The following KDM5A variants were observed in gnomAD, a reference collection of about 807,000 sequenced individuals.
KDM5A encodes the protein lysine demethylase 5A.
A neutral mutation model predicts 193.5 loss-of-function variants in KDM5A; 42 were observed. That is an observed-to-expected ratio of 0.22 (90% CI 0.17 to 0.28). The LOEUF (loss-of-function observed/expected upper bound fraction) is 0.28. KDM5A is among the 10% of genes least tolerant of loss of function. The pLI is 1.00. For missense variants in KDM5A, 1,692 were observed against 2,055.1 expected (o/e 0.82, Z 3.42); for synonymous variants, 796 against 718.1 (o/e 1.11, Z -1.73).
intron 24 of KDM5A, among the ~76,000 whole-genome samples, chr12:297,953 C>T (rs1009890761): frequency 7.2e-5 from 11 of 152,130 alleles, no homozygotes; most frequent in South Asian, 2.1e-4. Context: ...AAACAATCCA[C>T]GGAGATAATA....
chr12:329,291 A>AT, intron 13 of KDM5A: 1 of 483,528 alleles, frequency 2.1e-6, no homozygotes, highest in South Asian at 2.2e-5. Flanking sequence ...TATTTATTGT[A>AT]TATCAAGAAG....
chr12:330,149 T>C (rs933161221), intron 13 of KDM5A, among the ~76,000 whole-genome samples: 1 of 151,266 alleles, frequency 6.6e-6, no homozygotes, highest in African/African-American at 2.4e-5. Flanking sequence ...CTCTTTCATA[T>C]CTTAAATACG....
intron 10 of KDM5A, among the ~76,000 whole-genome samples, chr12:349,330 CTTT>C (rs749540223): frequency 1.7e-5 from 2 of 117,690 alleles, no homozygotes; most frequent in Admixed American, 9.0e-5. Flanking sequence ...ATCTTCTAGA[CTTT>C]TTTTTTTTTT....
In KDM5A at chr12:285,506, A is replaced by T. The variant is rs1222136565; in HGVS notation, c.5023T>A (p.Phe1675Ile). 1 of 1,614,052 alleles carries T rather than the reference A, an allele frequency of 6.2e-7. No individual in the cohort carries two copies. The highest frequency in any genetic ancestry group is 8.5e-7 in the Non-Finnish European group (1 of 1,179,952). Residue 1675 changes from phenylalanine to isoleucine, a missense_variant, in exon 28 of 28, where the codon TTC (phenylalanine) becomes ATC (isoleucine). Physicochemically the swap from Phe to Ile is conservative, Grantham distance 21 (BLOSUM62 0). This residue lies in a region of KDM5A where 41 missense variants were observed against 36.3 expected (regional missense o/e 1.13). Transcript: ENST00000399788. ...ATTGGTAGTTTGTAGCTCATTATGA[A>T]GGAAGGAGGTGGTGCTGGACCTGGG... ...VSPGPAPPPS[F>I]IMSYKLPMED...
intron 10 of KDM5A, among the ~76,000 whole-genome samples, chr12:338,461 G>A (rs1222006183): frequency 6.6e-6 from 1 of 152,194 alleles, no homozygotes; most frequent in Non-Finnish European, 1.5e-5. Context: ...GTAACCCACT[G>A]AGAGAATACC....
chr12:375,707 G>T (rs1944494238), intron 3 of KDM5A, among the ~76,000 whole-genome samples: 2 of 152,208 alleles, frequency 1.3e-5, no homozygotes, highest in South Asian at 4.1e-4. Context: ...CCATCTTTGT[G>T]GTTTTATCTA....
intron 3 of KDM5A, among the ~76,000 whole-genome samples, chr12:381,168 A>AT (rs1357088877): frequency 5.3e-5 from 8 of 151,976 alleles, no homozygotes; most frequent in African/African-American, 1.9e-4. Flanking sequence ...CTAATTTTGT[A>AT]TTTTTAGTAG....
chr12:289,907 C>CTTTTTTTTTTTTTTTTTTT lies in KDM5A; in HGVS notation c.4866+2833_4866+2851dup, dbSNP rs750918968. ...AAAAAGCATGATTTTTTCTTTCTTT[C>CTTTTTTTTTTTTTTTTTTT]TTTTTTTTTTTTTTTTTTTTTTTAC... is the stretch of plus-strand genomic sequence containing the variant. On this transcript the variant is annotated intron_variant, in intron 27 of 27. Coordinates refer to ENST00000399788, the MANE Select transcript of KDM5A (RefSeq NM_001042603.3). Among the ~76,000 whole-genome samples the CTTTTTTTTTTTTTTTTTTT allele has an allele frequency of 7.9e-4, 79 of 99,620 alleles. 1 individual carries two copies. Among genetic ancestry groups the CTTTTTTTTTTTTTTTTTTT allele is most frequent in the East Asian group, 2.7e-3 (6 of 2,252 alleles). The allele number at this position is 99,620 out of a possible 152,430, so 65.4% of individuals were successfully genotyped here. A position where few individuals can be genotyped will look rare whatever the true frequency, so the allele number is the denominator to read the frequency against.
At chr12:348,089 A>G (rs565708097) in intron 10 of KDM5A, among the ~76,000 whole-genome samples, 339 of 152,064 alleles carry the variant, frequency 2.2e-3, no homozygotes, top group African/African-American at 7.7e-3. Context: ...CAACCCCATC[A>G]AAAAGTGGGC....
chr12:372,341 A>G (rs1260871700), intron 3 of KDM5A, among the ~76,000 whole-genome samples: 1 of 152,034 alleles, frequency 6.6e-6, no homozygotes, highest in Non-Finnish European at 1.5e-5. Flanking sequence ...ATTCCTAGGT[A>G]TTTTATTCTG....
rs1023481122 is a variant in KDM5A at position 356,465 on chromosome 12, C to T, written c.745G>A (p.Val249Met). 6.2e-7 allele frequency: 1 copy of T among 1,612,962 alleles called. No homozygotes were observed. Among genetic ancestry groups the T allele is most frequent in the Non-Finnish European group, 8.5e-7 (1 of 1,178,946 alleles). The change falls in exon 6 of 28, where the codon GTG becomes ATG. Residue 249 changes from valine (V) to methionine (M), a missense_variant. By Grantham distance (21) the Val-to-Met change is conservative. This residue lies in a region of KDM5A where 134 missense variants were observed against 124.2 expected (regional missense o/e 1.08). Transcript: ENST00000399788. ...LQIFGAGPKV[V>M]GLAMGTKDKE... The stretch of plus-strand genomic sequence containing the variant: ...TCTTTTGTTCCCATTGCCAAGCCCA[C>T]AACCTTGGGCCCAGCCCCAAAAATC...
intron 18 of KDM5A, among the ~76,000 whole-genome samples, chr12:318,801 T>C (rs1164356044): frequency 2.0e-5 from 3 of 152,140 alleles, no homozygotes; most frequent in Non-Finnish European, 4.4e-5. Context: ...GACCAGACAG[T>C]GAACATAGGA....
Position 280,794 on chromosome 12 carries a change from A to G in KDM5A, c.*4662T>C, listed in dbSNP as rs548715660. On this transcript the variant is annotated 3_prime_UTR_variant, in exon 28 of 28. Coordinates refer to ENST00000399788, the MANE Select transcript of KDM5A (RefSeq NM_001042603.3). Reference sequence around the variant, plus strand: ...TTGGTCATCACTGGATTCTTGCTGGAAACAGAAGGCAGGTGAAATCTTCAG... The same window carrying G: ...TTGGTCATCACTGGATTCTTGCTGGGAACAGAAGGCAGGTGAAATCTTCAG... 3.0e-5 allele frequency: 7 copies of G among 233,014 alleles called. No homozygotes were observed. Among genetic ancestry groups the G allele is most frequent in the Admixed American group, 5.6e-5 (1 of 17,790 alleles). 14.4% of individuals were successfully genotyped at this position (233,014 alleles called of 1,614,324 possible). A position where few individuals can be genotyped will look rare whatever the true frequency, so the allele number is the denominator to read the frequency against.
intron 3 of KDM5A, among the ~76,000 whole-genome samples, chr12:376,216 G>C (rs542563052): frequency 1.3e-5 from 2 of 152,176 alleles, no homozygotes; most frequent in African/African-American, 4.8e-5. Context: ...CTTGAGCTGC[G>C]GTGGGCTCCA....
intron 4 of KDM5A, among the ~76,000 whole-genome samples, chr12:365,301 A>T (rs1242177950): frequency 6.6e-6 from 1 of 152,008 alleles, no homozygotes; most frequent in African/African-American, 2.4e-5. Flanking sequence ...CGATCCACCC[A>T]CCTCAGCCTC....
intron 10 of KDM5A, among the ~76,000 whole-genome samples, chr12:337,607 C>T (rs917625718): frequency 5.3e-5 from 8 of 150,424 alleles, no homozygotes; most frequent in African/African-American, 1.5e-4. Context: ...TTTTGAAAAA[C>T]GAAACAATAT....
At position 389,193 on chromosome 12, in the gene KDM5A, C is replaced by G. The variant is rs755601445; in HGVS notation, c.-102G>C. On this transcript the variant is annotated 5_prime_UTR_variant, in exon 1 of 28. Transcript: ENST00000399788. ...TCAAGTCCCCTGACAGAGGCCGAAG[C>G]GCATCTTCGCGGACAAGAACCGTTC... The G allele has an allele frequency of 1.3e-5, 14 of 1,074,600 alleles. No individual in the cohort carries two copies. Among genetic ancestry groups the G allele is most frequent in the Non-Finnish European group, 1.9e-5 (13 of 693,220 alleles). The allele number at this position is 1,074,600 out of a possible 1,614,324, so 66.6% of individuals were successfully genotyped here. A position where few individuals can be genotyped will look rare whatever the true frequency, so the allele number is the denominator to read the frequency against.
At position 363,031 on chromosome 12, in the gene KDM5A, G is replaced by C; in HGVS notation, c.604C>G (p.Gln202Glu). 6 of 1,614,094 alleles carry C rather than the reference G, an allele frequency of 3.7e-6. No individual in the cohort carries two copies. The highest frequency in any genetic ancestry group is 5.1e-6 in the Non-Finnish European group (6 of 1,179,956). ...VEPEVLSTDT[Q>E]TSPEPGTRMN... is the part of the protein sequence containing the mutation. ...CTTGTGCCTGGCTCTGGGGAAGTTT[G>C]GGTATCAGTGCTGAGAACCTCAGGC... Residue 202 changes from glutamine to glutamate, a missense_variant, in exon 5 of 28, where the codon CAA becomes GAA. By Grantham distance (29) the Gln-to-Glu change is conservative (BLOSUM62 2). This residue lies in a region of KDM5A where 134 missense variants were observed against 124.2 expected (regional missense o/e 1.08). Transcript: ENST00000399788.
intron 11 of KDM5A, 38 bp downstream of exon 11, chr12:334,203 G>T: frequency 6.4e-7 from 1 of 1,560,440 alleles, no homozygotes; most frequent in Non-Finnish European, 8.8e-7. Context: ...CTAGACTTTA[G>T]TAGAGTTCAT....
Sources: allele counts gnomAD v4.1 joint callset (sites outside exome capture counted in the v4.1 genomes callset), GRCh38; gene constraint gnomAD v4.1.1; regional missense constraint gnomAD v4.1.1; transcripts MANE v1.5; gene names NCBI Gene and HGNC (gene_info 2026-07-23, HGNC 2026-07-21).